RSRC1: variants seen among roughly 807,000 people sequenced by gnomAD.
The protein encoded by RSRC1 is serine/Arginine-related protein 53.
In RSRC1, 39 loss-of-function variants were observed where a neutral mutation model predicts 49.1. The ratio of observed to expected loss-of-function variants is 0.79; its 90% CI spans 0.61 to 1.04. The LOEUF (loss-of-function observed/expected upper bound fraction) is 1.04. RSRC1 is among the 50% of genes least tolerant of loss of function. RSRC1 has a pLI of 0.00. For synonymous variants in RSRC1, 143 were observed against 130.8 expected, an observed-to-expected ratio of 1.09 and a Z score of -0.63; for missense variants, 388 against 402.4, an observed-to-expected ratio of 0.96 and a Z score of 0.31.
chr3:158,422,477 G>C (rs1050433573), intron 6 of RSRC1, among the ~76,000 whole-genome samples: 2 of 150,994 alleles, frequency 1.3e-5, no homozygotes, highest in Non-Finnish European at 3.0e-5. Context: ...GTCTATCATT[G>C]TTGGACATTT....
At chr3:158,145,806 G>C (rs1200762914) in intron 3 of RSRC1, among the ~76,000 whole-genome samples, 6 of 151,840 alleles carry the variant, frequency 4.0e-5, no homozygotes, top group South Asian at 2.1e-4. Flanking sequence ...CTTTTATTTC[G>C]TTGAGCAGTG....
At chr3:158,270,514 T>C (rs982033515) in intron 4 of RSRC1, among the ~76,000 whole-genome samples, 4 of 152,232 alleles carry the variant, frequency 2.6e-5, no homozygotes, top group African/African-American at 4.8e-5. Context: ...ATTGTAGTCA[T>C]GTATTTCAAT....
At chr3:158,241,058 G>A (rs1723545500) in intron 4 of RSRC1, among the ~76,000 whole-genome samples, 1 of 152,100 alleles carries the variant, frequency 6.6e-6, no homozygotes, top group African/African-American at 2.4e-5. Context: ...GTATATGTAT[G>A]TATGTATAGG....
chr3:158,249,115 T>G (rs1027147962), intron 4 of RSRC1, among the ~76,000 whole-genome samples: 1 of 152,182 alleles, frequency 6.6e-6, no homozygotes, highest in Non-Finnish European at 1.5e-5. Context: ...TAGTCAATAT[T>G]TCTCCTATTT....
At chr3:158,190,856 T>A (rs1349570900) in intron 3 of RSRC1, among the ~76,000 whole-genome samples, 1 of 152,026 alleles carries the variant, frequency 6.6e-6, no homozygotes, top group Non-Finnish European at 1.5e-5. Context: ...ACTGAAGATT[T>A]CGTATGGCTT....
chr3:158,186,566 G>A (rs189449002), intron 3 of RSRC1, among the ~76,000 whole-genome samples: 28 of 152,080 alleles, frequency 1.8e-4, no homozygotes, highest in South Asian at 4.1e-4. Flanking sequence ...GAAGACTGAT[G>A]AGTGATGCCA....
intron 4 of RSRC1, among the ~76,000 whole-genome samples, chr3:158,261,290 A>G (rs1283012930): frequency 6.6e-6 from 1 of 152,184 alleles, no homozygotes; most frequent in Non-Finnish European, 1.5e-5. Context: ...CAGTCTTTTT[A>G]ATTTTAGACA....
intron 7 of RSRC1, among the ~76,000 whole-genome samples, chr3:158,463,925 G>C (rs1168424430): frequency 6.6e-6 from 1 of 152,008 alleles, no homozygotes; most frequent in Non-Finnish European, 1.5e-5. Flanking sequence ...GCTCACTCTT[G>C]AGCCACTAAT....
At chr3:158,211,264 C>G (rs560746486) in intron 4 of RSRC1, among the ~76,000 whole-genome samples, 3 of 152,092 alleles carry the variant, frequency 2.0e-5, no homozygotes, top group Middle Eastern at 6.8e-3. Context: ...CAAATTCTGA[C>G]TCATTATGCT....
At chr3:158,175,482 G>C (rs930205755) in intron 3 of RSRC1, among the ~76,000 whole-genome samples, 4 of 148,028 alleles carry the variant, frequency 2.7e-5, no homozygotes, top group African/African-American at 9.7e-5. Flanking sequence ...TGTATGGTAT[G>C]ATTTTTTTTT....
At chr3:158,154,877 C>T (rs898627481) in intron 3 of RSRC1, among the ~76,000 whole-genome samples, 6 of 152,214 alleles carry the variant, frequency 3.9e-5, no homozygotes, top group African/African-American at 1.4e-4. Flanking sequence ...ACAGCATCTT[C>T]ACCAGCAGTG....
chr3:158,445,059 C>G (rs887954079), intron 6 of RSRC1, among the ~76,000 whole-genome samples: 1 of 152,122 alleles, frequency 6.6e-6, no homozygotes, highest in African/African-American at 2.4e-5. Flanking sequence ...GTTGGTGGGA[C>G]TGTAAACTAG....
chr3:158,387,659 A>G (rs1733038256), intron 6 of RSRC1, among the ~76,000 whole-genome samples: 1 of 152,182 alleles, frequency 6.6e-6, no homozygotes, highest in Non-Finnish European at 1.5e-5. Flanking sequence ...GTAAATCCTT[A>G]CAAGTATTGG....
At chr3:158,340,665 G>C (rs966777578) in intron 5 of RSRC1, among the ~76,000 whole-genome samples, 2 of 152,154 alleles carry the variant, frequency 1.3e-5, no homozygotes, top group Non-Finnish European at 2.9e-5. Context: ...TCCCAGTGTC[G>C]GGTATGTCTT....
intron 6 of RSRC1, among the ~76,000 whole-genome samples, chr3:158,438,506 A>G (rs565423699): frequency 2.6e-5 from 4 of 152,306 alleles, no homozygotes; most frequent in South Asian, 2.1e-4. Context: ...GGCCACAGAA[A>G]TAACACCACA....
chr3:158,346,886 T>C (rs890264842), intron 5 of RSRC1, among the ~76,000 whole-genome samples: 9 of 152,196 alleles, frequency 5.9e-5, no homozygotes, highest in African/African-American at 2.2e-4. Flanking sequence ...GTTGAATGCA[T>C]AAAGAAATTA....
At chr3:158,254,764 C>G (rs1724435976) in intron 4 of RSRC1, among the ~76,000 whole-genome samples, 1 of 152,032 alleles carries the variant, frequency 6.6e-6, no homozygotes, top group South Asian at 2.1e-4. Context: ...GCCATTCTAA[C>G]TGGTGTGAAA....
rs1489594540 is a variant in RSRC1, at chr3:158,444,067, G to A, written c.584-16868G>A. Among the ~76,000 whole-genome samples, 4 of 152,246 alleles carry A rather than the reference G, an allele frequency of 2.6e-5. No homozygotes were observed. The East Asian group carries it at 5.8e-4, about 22-fold the overall frequency. ...GCATCAAAAATCACTGATCACAGGT[G>A]ACAGATATCAACAGATGTAATAATA... On this transcript the variant is annotated intron_variant, in intron 6 of 9. Transcript: ENST00000611884.
chr3:158,505,672 C>T (rs1739827618), intron 7 of RSRC1, among the ~76,000 whole-genome samples: 1 of 151,840 alleles, frequency 6.6e-6, no homozygotes, highest in Non-Finnish European at 1.5e-5. Context: ...GTTTTGCATG[C>T]TATAGAAGTT....
Sources: gnomAD v4.1 joint callset for allele counts (sites outside exome capture counted in the v4.1 genomes callset) on GRCh38, gnomAD v4.1.1 for gene constraint, MANE v1.5 for transcripts, NCBI Gene and HGNC (gene_info 2026-07-23, HGNC 2026-07-21) for gene names.